OSBPL6: variants seen among roughly 807,000 people sequenced by gnomAD.
The protein encoded by OSBPL6 is oxysterol-binding protein-related protein 6.
Under a neutral mutation model 125.8 loss-of-function variants are expected in OSBPL6, and 49 were observed. The observed-to-expected ratio is 0.39, with a 90% CI of 0.31 to 0.49. The LOEUF (loss-of-function observed/expected upper bound fraction) is 0.49, where lower values mean the gene tolerates loss of function less well. OSBPL6 is among the 20% of genes least tolerant of loss of function. The pLI, the probability that OSBPL6 is intolerant of heterozygous loss-of-function variation, is 0.88. For missense variants in OSBPL6, 986 were observed against 1,135.4 expected (o/e 0.87, Z 1.89); for synonymous variants, 394 against 391.8 (o/e 1.01, Z -0.07).
chr2:178,346,011 A>G (rs895930341), intron 11 of OSBPL6, among the ~76,000 whole-genome samples: 1 of 151,696 alleles, frequency 6.6e-6, no homozygotes, highest in Non-Finnish European at 1.5e-5. Flanking sequence ...AGCATGTAGT[A>G]AGAAAAGCTA....
chr2:178,277,558 G>C (rs376725947), intron 1 of OSBPL6, among the ~76,000 whole-genome samples: 10 of 152,216 alleles, frequency 6.6e-5, no homozygotes, highest in African/African-American at 2.4e-4. Context: ...GTAGAACTGT[G>C]ATAGACTGAG....
chr2:178,375,404 G>T (rs928623153), intron 15 of OSBPL6, among the ~76,000 whole-genome samples: 9 of 151,810 alleles, frequency 5.9e-5, no homozygotes, highest in Non-Finnish European at 1.2e-4. Flanking sequence ...TTCTTTTTTT[G>T]TTGTTGTTGT....
At chr2:178,391,350 G>A (rs1695390020) in intron 22 of OSBPL6, 133 bp downstream of exon 22, 2 of 883,408 alleles carry the variant, frequency 2.3e-6, no homozygotes, top group Non-Finnish European at 3.2e-6. Context: ...GATGCTTATG[G>A]CAATTATAGT....
intron 11 of OSBPL6, 26 bp from the exon 12 acceptor site, chr2:178,349,198 T>A: frequency 6.2e-7 from 1 of 1,611,008 alleles, no homozygotes; most frequent in Non-Finnish European, 8.5e-7. Context: ...TGTTGCTGTT[T>A]AATAATTTGT....
intron 19 of OSBPL6, among the ~76,000 whole-genome samples, chr2:178,386,250 C>G (rs1694924270): frequency 6.6e-6 from 1 of 152,108 alleles, no homozygotes; most frequent in Non-Finnish European, 1.5e-5. Context: ...TGGTCATCAC[C>G]AAGAATCAGG....
At chr2:178,248,918 T>C (rs571820556) in intron 1 of OSBPL6, among the ~76,000 whole-genome samples, 61 of 152,296 alleles carry the variant, frequency 4.0e-4, no homozygotes, top group Admixed American at 3.7e-3. Flanking sequence ...TATTACCTTT[T>C]GTATTTTTTA....
chr2:178,398,073 G>A lies in OSBPL6; in HGVS notation c.*2514G>A, dbSNP rs1376395339. 6.6e-6 allele frequency: 1 copy of A among 152,068 alleles called. No homozygotes were observed. Among genetic ancestry groups the A allele is most frequent in the Non-Finnish European group, 1.5e-5 (1 of 68,014 alleles). The allele number at this position is 152,068 out of a possible 1,614,324, so 9.4% of individuals were successfully genotyped here. ...CATATCTCCTGTGGAATATTCATTG[G>A]TGCGATGGCCTCATCCCCTTTTTTA... On this transcript the variant is annotated 3_prime_UTR_variant, in exon 25 of 25. Coordinates refer to ENST00000190611, the MANE Select transcript of OSBPL6 (RefSeq NM_032523.4).
intron 1 of OSBPL6, among the ~76,000 whole-genome samples, chr2:178,195,202 G>A (rs2088804685): frequency 6.6e-6 from 1 of 152,118 alleles, no homozygotes; most frequent in South Asian, 2.1e-4. Context: ...GTTGTGCATT[G>A]GGTTTTATTG....
chr2:178,275,379 A>G (rs988149051), intron 1 of OSBPL6, among the ~76,000 whole-genome samples: 4 of 152,012 alleles, frequency 2.6e-5, no homozygotes, highest in African/African-American at 9.7e-5. Flanking sequence ...GGGCATGGTG[A>G]TGGGCGCCTG....
At chr2:178,290,838 A>T (rs985723862) in intron 2 of OSBPL6, among the ~76,000 whole-genome samples, 9 of 152,120 alleles carry the variant, frequency 5.9e-5, no homozygotes, top group Non-Finnish European at 1.3e-4. Context: ...GGTGGGAAAT[A>T]CATGTGTCCA....
At chr2:178,262,558 C>A (rs779708558) in intron 1 of OSBPL6, among the ~76,000 whole-genome samples, 50 of 152,034 alleles carry the variant, frequency 3.3e-4, no homozygotes, top group Non-Finnish European at 5.6e-4. Context: ...GCTTAATATT[C>A]ATTTTTAAAA....
chr2:178,342,388 A>T (rs73032575), intron 11 of OSBPL6, among the ~76,000 whole-genome samples: 3,554 of 152,318 alleles, frequency 0.023, 140 homozygotes, highest in African/African-American at 0.08. Context: ...AGATCATTAA[A>T]AAAATTGACC....
chr2:178,281,709 A>T (rs1189534288), intron 1 of OSBPL6, among the ~76,000 whole-genome samples: 1 of 151,978 alleles, frequency 6.6e-6, no homozygotes, highest in Non-Finnish European at 1.5e-5. Context: ...ACAGAAAACT[A>T]AACACTGCAT....
intron 22 of OSBPL6, 28 bp downstream of exon 22, chr2:178,391,245 C>T (rs1695380254): frequency 3.2e-6 from 5 of 1,564,726 alleles, no homozygotes; most frequent in South Asian, 1.2e-5. Context: ...GTTCTGCCAA[C>T]AGGAGGGCAC....
intron 2 of OSBPL6, among the ~76,000 whole-genome samples, chr2:178,291,084 GAATA>G (rs1425026482): frequency 3.3e-5 from 5 of 149,778 alleles, no homozygotes; most frequent in Non-Finnish European, 7.4e-5. Flanking sequence ...AAATCTTACA[GAATA>G]AAGAGTTAAC....
intron 16 of OSBPL6, 136 bp downstream of exon 16, chr2:178,382,643 AC>A (rs1380898699): frequency 6.5e-7 from 1 of 1,531,516 alleles, no homozygotes; most frequent in Admixed American, 2.1e-5. Context: ...ATTGTTCAAT[AC>A]ATTCTATTTT....
intron 1 of OSBPL6, among the ~76,000 whole-genome samples, chr2:178,198,140 C>T (rs1381395255): frequency 6.6e-6 from 1 of 152,122 alleles, no homozygotes; most frequent in Non-Finnish European, 1.5e-5. Flanking sequence ...ATCCAAGGCT[C>T]CTCGTTAGGA....
Position 178,379,388 on chromosome 2 carries a change from AAGG to A in OSBPL6, c.1534-3028_1534-3026del, listed in dbSNP as rs1298181198. 3.4e-5 allele frequency among the ~76,000 whole-genome samples: 5 copies of A among 147,654 alleles called. No individual in the cohort carries two copies. The East Asian group carries it at 6.1e-4, about 18-fold the overall frequency. ...AGGAAAGGGAGGGAGGAAAAGGAGAAAGGAGGCAGGGAGGGAGGGAAAGAAAGA... is the reference window on the plus strand; with the variant it reads ...AGGAAAGGGAGGGAGGAAAAGGAGAAAGGCAGGGAGGGAGGGAAAGAAAGA... On this transcript the variant is annotated intron_variant, in intron 15 of 24. Transcript: ENST00000190611.
chr2:178,298,150 T>G (rs888250059), intron 2 of OSBPL6, among the ~76,000 whole-genome samples: 1 of 152,244 alleles, frequency 6.6e-6, no homozygotes, highest in Non-Finnish European at 1.5e-5. Flanking sequence ...TGTGCCTAGC[T>G]TATTTCACTT....
Sources: gnomAD v4.1 joint callset for allele counts (sites outside exome capture counted in the v4.1 genomes callset) on GRCh38, gnomAD v4.1.1 for gene constraint, MANE v1.5 for transcripts, NCBI Gene and HGNC (gene_info 2026-07-23, HGNC 2026-07-21) for gene names.